Variants in TNFRSF1B observed in about 807,000 individuals in gnomAD.
TNFRSF1B encodes the protein TNF receptor superfamily member 1B.
TNFRSF1B carries 19 observed loss-of-function variants against 44.6 expected under a neutral mutation model. The ratio of observed to expected loss-of-function variants is 0.43; its 90% CI spans 0.30 to 0.62. The LOEUF (loss-of-function observed/expected upper bound fraction) is 0.62. Among genes scored for constraint, TNFRSF1B ranks in the 20% least tolerant of loss-of-function variants. TNFRSF1B has a pLI of 0.16. For missense variants in TNFRSF1B, 541 were observed against 619.9 expected (o/e 0.87, Z 1.35); for synonymous variants, 252 against 261.1 (o/e 0.97, Z 0.34).
At chr1:12,179,459 A>C (rs1176839548) in intron 1 of TNFRSF1B, among the ~76,000 whole-genome samples, 1 of 152,148 alleles carries the variant, frequency 6.6e-6, no homozygotes, top group Non-Finnish European at 1.5e-5. Context: ...CGCCATGCAA[A>C]TGACGTGGTT....
rs1377573497 is a variant in TNFRSF1B, at chr1:12,191,822, C to A, written c.356C>A (p.Thr119Asn). Residue 119 changes from threonine (T) to asparagine (N), a missense_variant, in exon 4 of 10, where the codon ACC becomes AAC. Physicochemically the swap from Thr to Asn is moderately conservative, Grantham distance 65. Coordinates refer to ENST00000376259, the MANE Select transcript of TNFRSF1B (RefSeq NM_001066.3). ...ACTCGGGAACAGAACCGCATCTGCA[C>A]CTGCAGGCCCGGCTGGTACTGCGCG... ...ACTREQNRIC[T>N]CRPGWYCALS... 3.7e-6 allele frequency: 6 copies of A among 1,613,374 alleles called. No homozygotes were observed. The highest frequency in any genetic ancestry group is 5.1e-6 in the Non-Finnish European group (6 of 1,179,806).
chr1:12,180,223 A>T lies in TNFRSF1B; in HGVS notation c.79-8573A>T, dbSNP rs1372732629. On this transcript the variant is annotated intron_variant, in intron 1 of 9. Transcript: ENST00000376259. This position sits in a 1 kb window ranked among gnomAD's most constrained non-coding sequence, Gnocchi z 4.3. Reference sequence around the variant, plus strand: ...GGGAGGAGGATCGCTTAAGGCCAGGAGTTCAAGACCAGTCTGGACAACATA... The same window carrying T: ...GGGAGGAGGATCGCTTAAGGCCAGGTGTTCAAGACCAGTCTGGACAACATA... 6.6e-6 allele frequency among the ~76,000 whole-genome samples: 1 copy of T among 152,176 alleles called. No individual in the cohort carries two copies. Among genetic ancestry groups the T allele is most frequent in the African/African-American group, 2.4e-5 (1 of 41,450 alleles).
Position 12,180,524 on chromosome 1 carries a change from C to G in TNFRSF1B, c.79-8272C>G, listed in dbSNP as rs1196157873. On this transcript the variant is annotated intron_variant, in intron 1 of 9. Transcript: ENST00000376259. This position sits in a 1 kb window ranked among gnomAD's most constrained non-coding sequence, Gnocchi z 4.3. Reference sequence around the variant, plus strand: ...CAGTTGACCCGGGGTTGCTCAATTCCCCAAGAGCTGACGCAAACTCCAGAA... The same window carrying G: ...CAGTTGACCCGGGGTTGCTCAATTCGCCAAGAGCTGACGCAAACTCCAGAA... 6.6e-6 allele frequency among the ~76,000 whole-genome samples: 1 copy of G among 152,182 alleles called. No homozygotes were observed. Among genetic ancestry groups the G allele is most frequent in the Non-Finnish European group, 1.5e-5 (1 of 68,028 alleles).
At chr1:12,184,052 A>G (rs933451378) in intron 1 of TNFRSF1B, among the ~76,000 whole-genome samples, 36 of 152,308 alleles carry the variant, frequency 2.4e-4, no homozygotes, top group African/African-American at 8.2e-4. Context: ...TTATTTCCTC[A>G]TTTTAACATG....
chr1:12,181,003 T>C (rs1638789907), intron 1 of TNFRSF1B, among the ~76,000 whole-genome samples: 1 of 152,118 alleles, frequency 6.6e-6, no homozygotes, highest in African/African-American at 2.4e-5. Context: ...TGCACTCTTC[T>C]CCTTTGCCCC....
chr1:12,193,732 G>A (rs1425765084), intron 6 of TNFRSF1B, among the ~76,000 whole-genome samples: 1 of 152,166 alleles, frequency 6.6e-6, no homozygotes, highest in Non-Finnish European at 1.5e-5. Context: ...CTTCCATTCT[G>A]GGGTAGAACT....
At position 12,194,043 on chromosome 1, in the gene TNFRSF1B, A is replaced by G. The variant is rs1343135284; in HGVS notation, c.865+11A>G. 2 of 1,611,976 alleles carry G rather than the reference A, an allele frequency of 1.2e-6. No homozygotes were observed. The highest frequency in any genetic ancestry group is 3.3e-5 in the Admixed American group (2 of 59,990). On this transcript the variant is annotated intron_variant, in intron 7 of 9. Transcript: ENST00000376259. ...TGACCCAGGTGAAAAGTAAGAGTCC[A>G]TCCTTCCTTCCTTCATCCACTTGTT...
chr1:12,183,736 T>TAGCTAG (rs1557629183), intron 1 of TNFRSF1B, among the ~76,000 whole-genome samples: 8 of 126,554 alleles, frequency 6.3e-5, no homozygotes, highest in Admixed American at 1.5e-4. Flanking sequence ...TATCTATCTA[T>TAGCTAG]CTATCTATCT....
Position 12,194,570 on chromosome 1 carries a change from T to G in TNFRSF1B, c.866-14T>G. The stretch of plus-strand genomic sequence containing the variant: ...GGAAGTCAATCTCTTACTTGTCCCC[T>G]CTCCTCTTTATAGAGAAGCCCTTGT... On this transcript the variant is annotated splice_polypyrimidine_tract_variant and intron_variant, in intron 7 of 9. Coordinates refer to ENST00000376259, the MANE Select transcript of TNFRSF1B (RefSeq NM_001066.3). The G allele has an allele frequency of 6.2e-7, 1 of 1,614,076 alleles. No homozygotes were observed. The highest frequency in any genetic ancestry group is 8.5e-7 in the Non-Finnish European group (1 of 1,179,976).
rs1275063464 is a variant in TNFRSF1B at position 12,169,763 on chromosome 1, CCAGTAAACCTGG to C, written c.78+2600_78+2611del. Among the ~76,000 whole-genome samples the C allele has an allele frequency of 6.6e-6, 1 of 152,242 alleles. No homozygotes were observed. Among genetic ancestry groups the C allele is most frequent in the Non-Finnish European group, 1.5e-5 (1 of 68,048 alleles). On this transcript the variant is annotated intron_variant, in intron 1 of 9. Transcript: ENST00000376259. This position sits in a 1 kb window ranked among gnomAD's most constrained non-coding sequence, Gnocchi z 4.5. Reference sequence around the variant, plus strand: ...CATTTATTCATTTGACAAAGAAATGCCAGTAAACCTGGCAGTAGGTGAGTGCTTGGTGCCCTC... The same window carrying C: ...CATTTATTCATTTGACAAAGAAATGCCAGTAGGTGAGTGCTTGGTGCCCTC...
At position 12,187,810 on chromosome 1, in the gene TNFRSF1B, G is replaced by A. The variant is rs548177639; in HGVS notation, c.79-986G>A. 6.6e-6 allele frequency among the ~76,000 whole-genome samples: 1 copy of A among 152,304 alleles called. No homozygotes were observed. The highest frequency in any genetic ancestry group is 2.1e-4 in the South Asian group (1 of 4,830). On this transcript the variant is annotated intron_variant, in intron 1 of 9. Coordinates refer to ENST00000376259, the MANE Select transcript of TNFRSF1B (RefSeq NM_001066.3). This position sits in a 1 kb window ranked among gnomAD's most constrained non-coding sequence, Gnocchi z 5.5. Reference sequence around the variant, plus strand: ...GAAGCAGGCAGGGCAGGTCAGGGGAGGGGGCTTAGCAGGGACGTTGTTCAC... The same window carrying A: ...GAAGCAGGCAGGGCAGGTCAGGGGAAGGGGCTTAGCAGGGACGTTGTTCAC...
rs928175957 is a variant in TNFRSF1B at position 12,209,202 on chromosome 1, A to G, written c.*2182A>G. The G allele has an allele frequency of 6.6e-6, 1 of 152,176 alleles. No individual in the cohort carries two copies. The highest frequency in any genetic ancestry group is 6.5e-5 in the Admixed American group (1 of 15,278). The allele number at this position is 152,176 out of a possible 1,614,324, so 9.4% of individuals were successfully genotyped here. A position where few individuals can be genotyped will look rare whatever the true frequency, so the allele number is the denominator to read the frequency against. ...ATGCTGGACGGCATTCCTGCTTATC[A>G]ATAAACCTGTTTGTTTTACACGTCG... On this transcript the variant is annotated 3_prime_UTR_variant, in exon 10 of 10. Transcript: ENST00000376259.
rs17881374 is a variant in TNFRSF1B at position 12,175,075 on chromosome 1, G to A, written c.78+7906G>A. ...GTGCGCCTGAGTGGGAGAGCAGAGCGGGAGGGGATTTGGAGGCAGGCGGGC... is the reference window on the plus strand; with the variant it reads ...GTGCGCCTGAGTGGGAGAGCAGAGCAGGAGGGGATTTGGAGGCAGGCGGGC... On this transcript the variant is annotated intron_variant, in intron 1 of 9. Transcript: ENST00000376259. Among the ~76,000 whole-genome samples, 105 of 152,348 alleles carry A rather than the reference G, an allele frequency of 6.9e-4. 1 individual carries two copies. The highest frequency in any genetic ancestry group is 2.4e-3 in the African/African-American group (100 of 41,580).
chr1:12,198,552 CACAA>C lies in TNFRSF1B; in HGVS notation c.901-3411_901-3408del, dbSNP rs1483065423. Among the ~76,000 whole-genome samples the C allele has an allele frequency of 2.0e-5, 3 of 152,286 alleles. No individual in the cohort carries two copies. In the East Asian group the frequency reaches 5.8e-4, roughly 29 times the overall value. ...CACAGGTGTGTGAGCCTTGTGAACA[CACAA>C]ACAGACGGACACAGCAGGAACCTGG... On this transcript the variant is annotated intron_variant, in intron 8 of 9. Transcript: ENST00000376259.
At chr1:12,188,168 T>C (rs541850803) in intron 1 of TNFRSF1B, among the ~76,000 whole-genome samples, 146 of 151,928 alleles carry the variant, frequency 9.6e-4, no homozygotes, top group Non-Finnish European at 1.6e-4. Context: ...CTGCCACCTC[T>C]GCTGTCTGCA....
At chr1:12,190,458 CAAAAAAAA>C (rs4044499) in intron 2 of TNFRSF1B, among the ~76,000 whole-genome samples, 1 of 61,518 alleles carries the variant, frequency 1.6e-5, no homozygotes, top group East Asian at 5.8e-4. Context: ...GATTCTGTCT[CAAAAAAAA>C]AAAAAAAAAA....
chr1:12,178,544 C>A lies in TNFRSF1B; in HGVS notation c.79-10252C>A, dbSNP rs1167907202. On this transcript the variant is annotated intron_variant, in intron 1 of 9. Transcript: ENST00000376259. This position sits in a 1 kb window ranked among gnomAD's most constrained non-coding sequence, Gnocchi z 4.3. ...AGGCACGAGGGAACCAATAATTAAC[C>A]AAAACTGGTCGGGTGTGGGCAGTAT... is the stretch of plus-strand genomic sequence containing the variant. Among the ~76,000 whole-genome samples, 1 of 152,140 alleles carries A rather than the reference C, an allele frequency of 6.6e-6. No individual in the cohort carries two copies. The highest frequency in any genetic ancestry group is 1.5e-5 in the Non-Finnish European group (1 of 68,018).
At chr1:12,183,790 C>A (rs1487629737) in intron 1 of TNFRSF1B, among the ~76,000 whole-genome samples, 1 of 94,396 alleles carries the variant, frequency 1.1e-5, no homozygotes, top group Non-Finnish European at 2.5e-5. Flanking sequence ...ATCTACCTAC[C>A]TATCTATCTA....
chr1:12,201,441 G>A (rs1639388488), intron 8 of TNFRSF1B, among the ~76,000 whole-genome samples: 5 of 150,382 alleles, frequency 3.3e-5, no homozygotes. Flanking sequence ...ACAACCCTAT[G>A]AGGTAGGCTA....
Sources: allele counts gnomAD v4.1 joint callset (sites outside exome capture counted in the v4.1 genomes callset), GRCh38; gene constraint gnomAD v4.1.1; non-coding constraint Gnocchi (gnomAD v3.1); transcripts MANE v1.5; gene names NCBI Gene and HGNC (gene_info 2026-07-23, HGNC 2026-07-21).